The following KIF26B variants were observed in gnomAD, a reference collection of about 807,000 sequenced individuals.
KIF26B encodes kinesin-like protein KIF26B.
A neutral mutation model predicts 151.2 loss-of-function variants in KIF26B; 63 were observed. The ratio of observed to expected loss-of-function variants is 0.42; its 90% CI spans 0.34 to 0.51. The LOEUF (loss-of-function observed/expected upper bound fraction) is 0.51. KIF26B is among the 20% of genes least tolerant of loss of function. The probability of loss-of-function intolerance (pLI) is 0.07; values close to 1 mark genes in which losing one functional copy is unlikely to be tolerated. For synonymous variants in KIF26B, 1,357 were observed against 1,262.1 expected (o/e 1.08, Z -1.59); for missense variants, 2,813 against 2,913.6 (o/e 0.97, Z 0.79).
intron 3 of KIF26B, among the ~76,000 whole-genome samples, chr1:245,368,629 T>C (rs1673020259): frequency 6.6e-6 from 1 of 152,040 alleles, no homozygotes; most frequent in African/African-American, 2.4e-5. Flanking sequence ...GGGTGTTTGG[T>C]AGGTGGCCTT....
intron 2 of KIF26B, among the ~76,000 whole-genome samples, chr1:245,163,960 A>G (rs916455580): frequency 1.3e-5 from 2 of 152,032 alleles, no homozygotes; most frequent in Non-Finnish European, 2.9e-5. Context: ...TTCCTTTGCT[A>G]TTTTTATGCC....
intron 2 of KIF26B, among the ~76,000 whole-genome samples, chr1:245,351,457 T>C (rs1200829317): frequency 6.6e-6 from 1 of 152,080 alleles, no homozygotes; most frequent in Non-Finnish European, 1.5e-5. Flanking sequence ...TTTTCCCGTC[T>C]TAAACATAGG....
chr1:245,215,422 C>G (rs1187441681), intron 2 of KIF26B, among the ~76,000 whole-genome samples: 1 of 152,164 alleles, frequency 6.6e-6, no homozygotes, highest in African/African-American at 2.4e-5. Flanking sequence ...ACAGGCCTCT[C>G]TGAGACCAGG....
chr1:245,511,256 A>T, intron 4 of KIF26B: 1 of 643,142 alleles, frequency 1.6e-6, no homozygotes, highest in Non-Finnish European at 2.8e-6. Context: ...CATTTCAAAG[A>T]AGTTAGGAGG....
intron 2 of KIF26B, among the ~76,000 whole-genome samples, chr1:245,232,260 A>G (rs1014430891): frequency 7.2e-5 from 11 of 152,234 alleles, no homozygotes; most frequent in African/African-American, 1.2e-4. Context: ...AAAAAGTGCA[A>G]GTAATTAATG....
intron 10 of KIF26B, among the ~76,000 whole-genome samples, chr1:245,683,955 A>G (rs1348720861): frequency 6.6e-6 from 1 of 152,182 alleles, no homozygotes; most frequent in Non-Finnish European, 1.5e-5. Context: ...GTATAATGTC[A>G]CAGACACACA....
intron 4 of KIF26B, among the ~76,000 whole-genome samples, chr1:245,475,585 A>C (rs1660017426): frequency 6.6e-6 from 1 of 151,876 alleles, no homozygotes; most frequent in Non-Finnish European, 1.5e-5. Flanking sequence ...AATATTTACA[A>C]ATCATGCATT....
intron 2 of KIF26B, among the ~76,000 whole-genome samples, chr1:245,194,452 G>A (rs1573700734): frequency 6.6e-6 from 1 of 152,052 alleles, no homozygotes; most frequent in Non-Finnish European, 1.5e-5. Flanking sequence ...GTGCAAACTC[G>A]GCTCACTGCA....
intron 3 of KIF26B, among the ~76,000 whole-genome samples, chr1:245,369,168 T>TGAGAGAGA (rs112848389): frequency 4.1e-4 from 56 of 135,856 alleles, no homozygotes; most frequent in African/African-American, 1.1e-3. Flanking sequence ...AAAAGAAGAG[T>TGAGAGAGA]GAGAGAGAGA....
At chr1:245,410,568 G>A (rs1432913725) in intron 3 of KIF26B, among the ~76,000 whole-genome samples, 1 of 152,062 alleles carries the variant, frequency 6.6e-6, no homozygotes, top group African/African-American at 2.4e-5. Flanking sequence ...TCCCACCTCA[G>A]CCTCCCGAGT....
rs1017306462 is a variant in KIF26B at position 245,544,554 on chromosome 1, T to A, written c.1350+3604T>A. On this transcript the variant is annotated intron_variant, in intron 5 of 14. Transcript: ENST00000407071. ...CTTCTTATTTAGTAGACAAGAAAAC[T>A]GAGGCCCAGTGAAGGTAACAGGTTT... Among the ~76,000 whole-genome samples, 4 of 152,166 alleles carry A rather than the reference T, an allele frequency of 2.6e-5. 1 individual carries two copies. The highest frequency in any genetic ancestry group is 2.9e-5 in the Non-Finnish European group (2 of 68,020).
intron 12 of KIF26B, among the ~76,000 whole-genome samples, chr1:245,693,344 C>T (rs558899849): frequency 6.6e-6 from 1 of 152,246 alleles, no homozygotes; most frequent in Non-Finnish European, 1.5e-5. Flanking sequence ...TGAGCAAGGC[C>T]TGTTCTGCGC....
chr1:245,310,915 C>T (rs534810411), intron 2 of KIF26B, among the ~76,000 whole-genome samples: 2 of 152,218 alleles, frequency 1.3e-5, no homozygotes, highest in African/African-American at 4.8e-5. Context: ...TTCCTGGTGT[C>T]ATGAGTAGCT....
chr1:245,357,649 C>A (rs1672729293), intron 2 of KIF26B, among the ~76,000 whole-genome samples: 1 of 152,076 alleles, frequency 6.6e-6, no homozygotes. Flanking sequence ...TCCATGACCC[C>A]CAAAAGTTTT....
intron 4 of KIF26B, among the ~76,000 whole-genome samples, chr1:245,462,906 C>T (rs934615836): frequency 1.3e-5 from 2 of 152,154 alleles, no homozygotes; most frequent in African/African-American, 4.8e-5. Context: ...GGCAGGCAGG[C>T]TCTGGGAGAT....
At chr1:245,253,615 A>G (rs1573734995) in intron 2 of KIF26B, among the ~76,000 whole-genome samples, 1 of 152,044 alleles carries the variant, frequency 6.6e-6, no homozygotes, top group East Asian at 1.9e-4. Flanking sequence ...GGATTAATAC[A>G]GTTTGGTAGG....
At chr1:245,451,585 C>CA (rs1659392423) in intron 4 of KIF26B, among the ~76,000 whole-genome samples, 1 of 58,740 alleles carries the variant, frequency 1.7e-5, no homozygotes, top group East Asian at 4.5e-4. Context: ...GAAGATCTAT[C>CA]TTTTTTTTTT....
intron 5 of KIF26B, among the ~76,000 whole-genome samples, chr1:245,582,998 A>T (rs1383930986): frequency 6.6e-6 from 1 of 152,170 alleles, no homozygotes; most frequent in East Asian, 1.9e-4. Flanking sequence ...CATAATTCAG[A>T]CACATGCAAC....
intron 2 of KIF26B, among the ~76,000 whole-genome samples, chr1:245,174,091 G>T (rs1441956364): frequency 6.6e-6 from 1 of 152,174 alleles, no homozygotes; most frequent in Non-Finnish European, 1.5e-5. Flanking sequence ...CGCACATTTT[G>T]CAGTAAACTC....
Sources: allele counts gnomAD v4.1 joint callset (sites outside exome capture counted in the v4.1 genomes callset), GRCh38; gene constraint gnomAD v4.1.1; transcripts MANE v1.5; gene names NCBI Gene and HGNC (gene_info 2026-07-23, HGNC 2026-07-21).